Variants in AASDHPPT observed in about 807,000 individuals in gnomAD.
The protein encoded by AASDHPPT is L-aminoadipate-semialdehyde dehydrogenase-phosphopantetheinyl transferase.
In AASDHPPT, 23 loss-of-function variants were observed where a neutral mutation model predicts 36.4. The ratio of observed to expected loss-of-function variants is 0.63; its 90% CI spans 0.45 to 0.89. The LOEUF is 0.89. Among genes scored for constraint, AASDHPPT ranks in the 40% least tolerant of loss-of-function variants. The pLI, the probability that AASDHPPT is intolerant of heterozygous loss-of-function variation, is 0.00. For missense variants in AASDHPPT, 377 were observed against 378.2 expected, an observed-to-expected ratio of 1.00 and a Z score of 0.03; for synonymous variants, 115 against 128.0, an observed-to-expected ratio of 0.90 and a Z score of 0.68.
intron 2 of AASDHPPT, among the ~76,000 whole-genome samples, chr11:106,084,164 A>G (rs1861173072): frequency 6.6e-6 from 1 of 152,154 alleles, no homozygotes; most frequent in Admixed American, 6.5e-5. Flanking sequence ...AAATTGGAAA[A>G]AAAACACTTA....
At chr11:106,090,366 T>G in intron 2 of AASDHPPT, among the ~76,000 whole-genome samples, 191 bp from the exon 3 acceptor site, 1 of 152,060 alleles carries the variant, frequency 6.6e-6, no homozygotes, top group East Asian at 1.9e-4. Context: ...CTTGTCATAG[T>G]GTGTTTACTC....
chr11:106,085,768 T>G (rs1238660932), intron 2 of AASDHPPT, among the ~76,000 whole-genome samples: 1 of 152,226 alleles, frequency 6.6e-6, no homozygotes, highest in Non-Finnish European at 1.5e-5. Flanking sequence ...ACATGTTTAT[T>G]CTTAATCTGC....
Position 106,095,124 on chromosome 11 carries a change from C to CA in AASDHPPT, c.765+478dup, listed in dbSNP as rs572225882. On this transcript the variant is annotated intron_variant, in intron 5 of 5. Coordinates refer to ENST00000278618, the MANE Select transcript of AASDHPPT (RefSeq NM_015423.3). ...CTGGGAAACAAGCGAAACTCCGTCTCAAAAAAAAGAAATGTTACCCGCTTC... is the reference window on the plus strand; with the variant it reads ...CTGGGAAACAAGCGAAACTCCGTCTCAAAAAAAAAGAAATGTTACCCGCTTC... Among the ~76,000 whole-genome samples, 48 of 151,122 alleles carry CA rather than the reference C, an allele frequency of 3.2e-4. No homozygotes were observed. The South Asian group carries it at 9.6e-3, about 30-fold the overall frequency.
chr11:106,082,462 A>T (rs191943913), intron 2 of AASDHPPT, among the ~76,000 whole-genome samples: 18 of 152,318 alleles, frequency 1.2e-4, no homozygotes, highest in African/African-American at 3.4e-4. Context: ...TCTGTTTTGT[A>T]CTAGGCATTG....
chr11:106,090,572 C>T lies in AASDHPPT; in HGVS notation c.425C>T (p.Pro142Leu). 2 of 1,581,496 alleles carry T rather than the reference C, an allele frequency of 1.3e-6. No individual in the cohort carries two copies. The highest frequency in any genetic ancestry group is 1.7e-6 in the Non-Finnish European group (2 of 1,169,462). The change falls in exon 3 of 6, where the codon CCA becomes CTA. Residue 142 changes from proline (P) to leucine (L), a missense_variant. By Grantham distance (98) the Pro-to-Leu change is moderately conservative. Transcript: ENST00000278618. ...KTSFPGRGSI[P>L]EFFHIMKRKF... ...TAATTGGCAGGTCGTGGTTCAATTC[C>T]AGAATTCTTTCATATTATGAAAAGA...
At chr11:106,088,431 C>G (rs1861219292) in intron 2 of AASDHPPT, among the ~76,000 whole-genome samples, 1 of 152,074 alleles carries the variant, frequency 6.6e-6, no homozygotes, top group Non-Finnish European at 1.5e-5. Context: ...CAGTTTCACT[C>G]AAAATATATA....
rs1345141199 is a variant in AASDHPPT, at chr11:106,098,472, C to A, written c.*1565C>A. On this transcript the variant is annotated 3_prime_UTR_variant, in exon 6 of 6. Coordinates refer to ENST00000278618, the MANE Select transcript of AASDHPPT (RefSeq NM_015423.3). Reference sequence around the variant, plus strand: ...TTCTGTTACTAACATTAAAAGTGTGCAAATTGTATAAAATTAGGTACTTCG... The same window carrying A: ...TTCTGTTACTAACATTAAAAGTGTGAAAATTGTATAAAATTAGGTACTTCG... The A allele has an allele frequency of 6.6e-6, 1 of 150,614 alleles. No homozygotes were observed. Among genetic ancestry groups the A allele is most frequent in the African/African-American group, 2.4e-5 (1 of 41,086 alleles). 9.3% of individuals were successfully genotyped at this position (150,614 alleles called of 1,614,324 possible).
At chr11:106,094,860 T>C (rs900639967) in intron 5 of AASDHPPT, among the ~76,000 whole-genome samples, 2 of 152,176 alleles carry the variant, frequency 1.3e-5, no homozygotes, top group African/African-American at 4.8e-5. Flanking sequence ...GCATGGTGGC[T>C]CACACCTGTA....
chr11:106,083,276 T>C (rs1861162917), intron 2 of AASDHPPT, among the ~76,000 whole-genome samples: 1 of 152,188 alleles, frequency 6.6e-6, no homozygotes, highest in Admixed American at 6.5e-5. Context: ...CTAATAGGTA[T>C]TATTTCATCT....
intron 2 of AASDHPPT, among the ~76,000 whole-genome samples, chr11:106,088,931 C>G (rs1391991485): frequency 1.3e-5 from 2 of 151,990 alleles, no homozygotes; most frequent in African/African-American, 4.8e-5. Flanking sequence ...TATTTTGACT[C>G]TTGAAGCGGG....
At chr11:106,094,143 A>C (rs1013079241) in intron 4 of AASDHPPT, 1 of 144,852 alleles carries the variant, frequency 6.9e-6, no homozygotes. Context: ...CGTTAATGTC[A>C]TAAAAAACAA....
At chr11:106,088,253 T>C (rs896422831) in intron 2 of AASDHPPT, among the ~76,000 whole-genome samples, 7 of 152,126 alleles carry the variant, frequency 4.6e-5, no homozygotes, top group Non-Finnish European at 7.4e-5. Context: ...CATGCTTATT[T>C]AAATTTTTTT....
Position 106,091,417 on chromosome 11 carries a change from A to C in AASDHPPT, c.633A>C (p.Gln211His). 4 of 1,606,612 alleles carry C rather than the reference A, an allele frequency of 2.5e-6. No individual in the cohort carries two copies. The highest frequency in any genetic ancestry group is 1.7e-4 in the Middle Eastern group (1 of 6,024). Residue 211 changes from glutamine to histidine, a missense_variant, in exon 4 of 6, where the codon CAA becomes CAC. By Grantham distance (24) the Gln-to-His change is conservative. Coordinates refer to ENST00000278618, the MANE Select transcript of AASDHPPT (RefSeq NM_015423.3). ...DLSPLNLDIGQVYKETRLFLD... is the reference protein window; with the variant it reads ...DLSPLNLDIGHVYKETRLFLD... ...CTCCATTAAACTTGGATATAGGCCA[A>C]GTTTATAAAGAAACACGTTTATTCC...
Position 106,094,664 on chromosome 11 carries a change from T to C in AASDHPPT, c.765+10T>C. The C allele has an allele frequency of 6.3e-7, 1 of 1,586,816 alleles. No homozygotes were observed. The highest frequency in any genetic ancestry group is 8.6e-7 in the Non-Finnish European group (1 of 1,167,566). ...ATCTAGACATCAGGATGTAAGATTT[T>C]AGGATTTCTCTTTTTTCTAAATAGC... On this transcript the variant is annotated intron_variant, in intron 5 of 5. Transcript: ENST00000278618.
chr11:106,083,679 G>C (rs1265511774), intron 2 of AASDHPPT, among the ~76,000 whole-genome samples: 1 of 152,118 alleles, frequency 6.6e-6, no homozygotes, highest in Non-Finnish European at 1.5e-5. Context: ...TTTCAATTCA[G>C]TGGATAAAAG....
intron 2 of AASDHPPT, among the ~76,000 whole-genome samples, chr11:106,086,873 C>G (rs1861203468): frequency 6.6e-6 from 1 of 152,200 alleles, no homozygotes; most frequent in African/African-American, 2.4e-5. Flanking sequence ...TGTTCTCAAA[C>G]ATGTTCCAAA....
chr11:106,079,274 G>T (rs975889146), intron 1 of AASDHPPT, among the ~76,000 whole-genome samples, 193 bp from the exon 2 acceptor site: 1 of 152,186 alleles, frequency 6.6e-6, no homozygotes, highest in South Asian at 2.1e-4. Context: ...AGAGGGAATT[G>T]CTAAGGCGGG....
At chr11:106,087,932 TCTTC>T (rs1270874112) in intron 2 of AASDHPPT, among the ~76,000 whole-genome samples, 13 of 152,320 alleles carry the variant, frequency 8.5e-5, no homozygotes, top group African/African-American at 2.9e-4. Context: ...AATTCACTGT[TCTTC>T]CTACCGATTT....
chr11:106,079,364 A>T, intron 1 of AASDHPPT, 103 bp from the exon 2 acceptor site: 3 of 1,009,314 alleles, frequency 3.0e-6, no homozygotes, highest in Non-Finnish European at 4.2e-6. Flanking sequence ...GAAAAGTTTT[A>T]AAAATGAAAA....
Sources: allele counts gnomAD v4.1 joint callset (sites outside exome capture counted in the v4.1 genomes callset), GRCh38; gene constraint gnomAD v4.1.1; transcripts MANE v1.5; gene names NCBI Gene and HGNC (gene_info 2026-07-23, HGNC 2026-07-21).